The following ATP2B2 variants were observed in gnomAD, a reference collection of about 807,000 sequenced individuals.
ATP2B2 encodes the protein ATPase plasma membrane Ca2+ transporting 2.
In ATP2B2, 15 loss-of-function variants were observed where a neutral mutation model predicts 120.0. The ratio of observed to expected loss-of-function variants is 0.12; its 90% CI spans 0.08 to 0.19. ATP2B2 has a LOEUF of 0.19. Among genes scored for constraint, ATP2B2 ranks in the 10% least tolerant of loss-of-function variants. The probability of loss-of-function intolerance (pLI) is 1.00; values close to 1 mark genes in which losing one functional copy is unlikely to be tolerated. For missense variants in ATP2B2, 1,045 were observed against 1,719.8 expected (o/e 0.61, Z 6.94); for synonymous variants, 694 against 700.3 (o/e 0.99, Z 0.14).
At chr3:10,336,188 C>G (rs199608896) in intron 22 of ATP2B2, 1 of 1,550,562 alleles carries the variant, frequency 6.4e-7, no homozygotes, top group Admixed American at 2.0e-5. Flanking sequence ...CAACGACACG[C>G]GACTAGGGCT....
chr3:10,385,170 T>TCTGTG (rs1330449698), intron 8 of ATP2B2, 98 bp downstream of exon 8: 1 of 1,216,954 alleles, frequency 8.2e-7, no homozygotes, highest in East Asian at 2.4e-5. Context: ...ACATCCGAGA[T>TCTGTG]CTGTGCAGTC....
intron 3 of ATP2B2, among the ~76,000 whole-genome samples, chr3:10,514,960 C>T (rs2066848081): frequency 6.6e-6 from 1 of 152,206 alleles, no homozygotes; most frequent in South Asian, 2.1e-4. Flanking sequence ...GACCTTGTCC[C>T]CCCAGCCTTC....
chr3:10,661,078 G>C (rs1232093757), intron 1 of ATP2B2, among the ~76,000 whole-genome samples: 1 of 152,096 alleles, frequency 6.6e-6, no homozygotes, highest in African/African-American at 2.4e-5. Context: ...CAATAAAGTA[G>C]GTATTGATGG....
At chr3:10,423,135 T>C (rs1191624508) in intron 2 of ATP2B2, among the ~76,000 whole-genome samples, 1 of 152,212 alleles carries the variant, frequency 6.6e-6, no homozygotes. Flanking sequence ...AATCTGAATT[T>C]TAGATAAACA....
rs182847338 is a variant in ATP2B2, at chr3:10,359,882, T to C, written c.1901A>G (p.Lys634Arg). ...CCCCGGTGCCCTGCCCAGCGCTTACTTCTTGAGCACGATCTCAGAAGCCCC... is the reference window on the plus strand; with the variant it reads ...CCCCGGTGCCCTGCCCAGCGCTTACCTCTTGAGCACGATCTCAGAAGCCCC... ...SKGASEIVLK[K>R]CCKILNGAGE... Residue 634 changes from lysine (K) to arginine (R), a missense_variant and splice_region_variant, in exon 13 of 23, where the codon AAG becomes AGG. By Grantham distance (26) the Lys-to-Arg change is conservative (BLOSUM62 2). Transcript: ENST00000360273. The C allele has an allele frequency of 3.7e-6, 6 of 1,614,230 alleles. No individual in the cohort carries two copies. The Admixed American group carries it at 8.3e-5, about 22-fold the overall frequency.
At chr3:10,579,551 G>A (rs2068335716) in intron 2 of ATP2B2, among the ~76,000 whole-genome samples, 1 of 152,222 alleles carries the variant, frequency 6.6e-6, no homozygotes, top group African/African-American at 2.4e-5. Context: ...GTGCACACCT[G>A]TAACTCCAGC....
At chr3:10,626,868 ACACACACACACAC>A (rs2069717274) in intron 1 of ATP2B2, 3 of 164 alleles carry the variant, frequency 0.018, no homozygotes, top group Non-Finnish European at 0.088. Context: ...GTAGTGAGAC[ACACACACACACAC>A]ACACACACAC....
chr3:10,655,271 T>C (rs2070586697), intron 1 of ATP2B2, among the ~76,000 whole-genome samples: 1 of 121,188 alleles, frequency 8.3e-6, no homozygotes. Flanking sequence ...CTCCCTCTCC[T>C]ATTGGGATTT....
intron 2 of ATP2B2, among the ~76,000 whole-genome samples, chr3:10,593,833 C>T (rs886711048): frequency 4.6e-5 from 7 of 151,784 alleles, no homozygotes; most frequent in East Asian, 4.0e-4. Context: ...AGGGCTAATA[C>T]CCAGAATCTA....
chr3:10,558,130 T>A (rs1480645485), intron 2 of ATP2B2, among the ~76,000 whole-genome samples: 7 of 152,150 alleles, frequency 4.6e-5, no homozygotes, highest in South Asian at 2.1e-4. Flanking sequence ...CTGCTGGCAT[T>A]TACCTCCTTC....
intron 2 of ATP2B2, among the ~76,000 whole-genome samples, chr3:10,552,356 C>T (rs1405243049): frequency 6.6e-6 from 1 of 152,256 alleles, no homozygotes; most frequent in Non-Finnish European, 1.5e-5. Context: ...CTTGCTGCAA[C>T]GTGGCTGGAA....
Position 10,576,839 on chromosome 3 carries a change from C to A in ATP2B2, c.-414-42706G>T, listed in dbSNP as rs1164248700. On this transcript the variant is annotated intron_variant, in intron 2 of 21. Coordinates refer to the ATP2B2 transcript ENST00000646379. ...CAGCACTTTGGGAGGCCAAGGTGGG[C>A]GGATCACAAGGTCAGGAATTCGAGA... Among the ~76,000 whole-genome samples the A allele has an allele frequency of 2.6e-5, 4 of 151,850 alleles. No individual in the cohort carries two copies. In the East Asian group the frequency reaches 7.7e-4, roughly 29 times the overall value.
intron 1 of ATP2B2, among the ~76,000 whole-genome samples, chr3:10,691,844 G>T (rs993637985): frequency 6.6e-6 from 1 of 152,134 alleles, no homozygotes; most frequent in South Asian, 2.1e-4. Context: ...GCAGAAAGGG[G>T]TGATGGTTTC....
intron 1 of ATP2B2, among the ~76,000 whole-genome samples, chr3:10,477,268 T>C (rs1247021692): frequency 6.6e-6 from 1 of 152,188 alleles, no homozygotes; most frequent in Non-Finnish European, 1.5e-5. Context: ...ATTCCCTACT[T>C]CTAGATGGGG....
chr3:10,469,491 C>A lies in ATP2B2; in HGVS notation c.-319-19629G>T, dbSNP rs185756033. On this transcript the variant is annotated intron_variant, in intron 1 of 22. Transcript: ENST00000360273. ...TATAAGGGTGATATGATTTGTTAAG[C>A]GTGGCTCAGGGCCCGTGCAAAGAGC... Among the ~76,000 whole-genome samples, 3 of 152,292 alleles carry A rather than the reference C, an allele frequency of 2.0e-5. No individual in the cohort carries two copies. The East Asian group carries it at 5.8e-4, about 29-fold the overall frequency.
intron 8 of ATP2B2, 57 bp downstream of exon 8, chr3:10,385,211 G>T: frequency 1.9e-6 from 3 of 1,544,410 alleles, no homozygotes; most frequent in Admixed American, 1.7e-5. Context: ...CAAAGTTGGG[G>T]TGGGGGTGAG....
At chr3:10,446,164 A>T (rs2063830674) in intron 2 of ATP2B2, among the ~76,000 whole-genome samples, 1 of 152,192 alleles carries the variant, frequency 6.6e-6, no homozygotes. Flanking sequence ...TGTGTCATAG[A>T]GATGCATAAC....
At chr3:10,652,876 G>A (rs567026487) in intron 1 of ATP2B2, among the ~76,000 whole-genome samples, 62 of 152,354 alleles carry the variant, frequency 4.1e-4, no homozygotes, top group African/African-American at 1.5e-3. Flanking sequence ...CCACTCATGA[G>A]GTATGTACAG....
chr3:10,428,470 C>T (rs991901718), intron 2 of ATP2B2, among the ~76,000 whole-genome samples: 3 of 152,158 alleles, frequency 2.0e-5, no homozygotes, highest in African/African-American at 4.8e-5. Flanking sequence ...CCCCAGGTGG[C>T]GTTGTGCTAT....
Sources: gnomAD v4.1 joint callset for allele counts (sites outside exome capture counted in the v4.1 genomes callset) on GRCh38, gnomAD v4.1.1 for gene constraint, MANE v1.5 for transcripts, NCBI Gene and HGNC (gene_info 2026-07-23, HGNC 2026-07-21) for gene names.